Variants in LPCAT2 observed in about 807,000 individuals in gnomAD.
LPCAT2 encodes the protein lysophosphatidylcholine acyltransferase 2, also known as 1-AGP acyltransferase 11.
Under a neutral mutation model 64.7 loss-of-function variants are expected in LPCAT2, and 58 were observed. The observed-to-expected ratio is 0.90, with a 90% confidence interval of 0.73 to 1.12. LPCAT2 has a LOEUF of 1.12. LPCAT2 is among the 50% of genes most tolerant of loss of function. The probability of loss-of-function intolerance (pLI) is 0.00; values close to 1 mark genes in which losing one functional copy is unlikely to be tolerated. For missense variants in LPCAT2, 579 were observed against 669.8 expected, an observed-to-expected ratio of 0.86 and a Z score of 1.50; for synonymous variants, 252 against 245.3, an observed-to-expected ratio of 1.03 and a Z score of -0.26.
At chr16:55,570,984 A>G (rs1205707736) in intron 11 of LPCAT2, among the ~76,000 whole-genome samples, 2 of 152,184 alleles carry the variant, frequency 1.3e-5, no homozygotes, top group Non-Finnish European at 2.9e-5. Flanking sequence ...GTTTTATGTA[A>G]ACGTTTTAAA....
chr16:55,544,520 G>GA (rs1963431952), intron 8 of LPCAT2, among the ~76,000 whole-genome samples: 1 of 152,126 alleles, frequency 6.6e-6, no homozygotes, highest in Non-Finnish European at 1.5e-5. Flanking sequence ...TACTATGGGG[G>GA]AAAAATTAAT....
intron 11 of LPCAT2, among the ~76,000 whole-genome samples, chr16:55,554,127 C>T (rs1465084274): frequency 6.6e-6 from 1 of 151,984 alleles, no homozygotes; most frequent in African/African-American, 2.4e-5. Flanking sequence ...TGTTTAAGGG[C>T]CCTTGGATTT....
At chr16:55,566,954 T>C (rs1250031112) in intron 11 of LPCAT2, 1 of 1,613,798 alleles carries the variant, frequency 6.2e-7, no homozygotes, top group South Asian at 1.1e-5. Context: ...CTCAGCAGCA[T>C]TTCACCAGTG....
At chr16:55,515,280 A>T (rs1470813546) in intron 1 of LPCAT2, among the ~76,000 whole-genome samples, 4 of 152,252 alleles carry the variant, frequency 2.6e-5, no homozygotes, top group African/African-American at 9.6e-5. Flanking sequence ...CCTCAACAAG[A>T]TTAATGACTG....
chr16:55,563,294 C>T (rs1285809592), intron 11 of LPCAT2, among the ~76,000 whole-genome samples: 2 of 151,868 alleles, frequency 1.3e-5, no homozygotes, highest in East Asian at 3.9e-4. Context: ...TTCCACCAAA[C>T]ATTGAAAGAA....
chr16:55,532,985 G>T (rs1596860035), intron 6 of LPCAT2, 103 bp downstream of exon 6: 3 of 930,490 alleles, frequency 3.2e-6, no homozygotes, highest in Admixed American at 2.4e-5. Context: ...ACAGATAAAT[G>T]GTGGAAGCAA....
At chr16:55,544,075 C>T (rs916283581) in intron 8 of LPCAT2, among the ~76,000 whole-genome samples, 2 of 152,158 alleles carry the variant, frequency 1.3e-5, no homozygotes, top group Admixed American at 1.3e-4. Flanking sequence ...ATTCTCCCTG[C>T]TCTTAGTCTC....
intron 1 of LPCAT2, among the ~76,000 whole-genome samples, chr16:55,512,953 A>G (rs1017084386): frequency 8.5e-5 from 13 of 152,238 alleles, no homozygotes; most frequent in African/African-American, 2.9e-4. Flanking sequence ...AAGTGAATGC[A>G]ATCAGCCAGA....
rs929203015 is a variant in LPCAT2 at position 55,584,957 on chromosome 16, A to G, written c.*1859A>G. 2.6e-5 allele frequency: 4 copies of G among 152,226 alleles called. No homozygotes were observed. Among genetic ancestry groups the G allele is most frequent in the Non-Finnish European group, 4.4e-5 (3 of 68,020 alleles). The allele number at this position is 152,226 out of a possible 1,614,324, so 9.4% of individuals were successfully genotyped here. A position where few individuals can be genotyped will look rare whatever the true frequency, so the allele number is the denominator to read the frequency against. On this transcript the variant is annotated 3_prime_UTR_variant, in exon 14 of 14. Coordinates refer to ENST00000262134, the MANE Select transcript of LPCAT2 (RefSeq NM_017839.5). ...CAATGAATGTATGTAATACTAAAAA[A>G]TCATGACTACTTTTATCAAAGAAAA...
rs1034847523 is a variant in LPCAT2, at chr16:55,544,649, G to A, written c.853-1086G>A. Among the ~76,000 whole-genome samples the A allele has an allele frequency of 4.6e-5, 7 of 152,268 alleles. No homozygotes were observed. The East Asian group carries it at 1.2e-3, about 25-fold the overall frequency. ...CTTAAAAAGCCAACATCAAGTATTA[G>A]TTCTTCTATAGAGCACCCTTAACAG... On this transcript the variant is annotated intron_variant, in intron 8 of 13. Coordinates refer to ENST00000262134, the MANE Select transcript of LPCAT2 (RefSeq NM_017839.5).
intron 9 of LPCAT2, among the ~76,000 whole-genome samples, chr16:55,548,018 T>G (rs1260080644): frequency 1.3e-5 from 2 of 152,238 alleles, no homozygotes; most frequent in South Asian, 2.1e-4. Context: ...TCCGCCTGCC[T>G]TGTCCTCCCA....
At chr16:55,519,714 A>G (rs1340119740) in intron 1 of LPCAT2, among the ~76,000 whole-genome samples, 1 of 152,064 alleles carries the variant, frequency 6.6e-6, no homozygotes, top group African/African-American at 2.4e-5. Context: ...AAAAATTATT[A>G]TTTTCTTGGG....
chr16:55,522,120 A>G (rs1007017683), intron 1 of LPCAT2, among the ~76,000 whole-genome samples: 3 of 151,710 alleles, frequency 2.0e-5, no homozygotes, highest in Non-Finnish European at 3.0e-5. Context: ...ACAACTAACT[A>G]CTAGAACTAA....
chr16:55,547,196 T>C (rs1389746317), intron 9 of LPCAT2, among the ~76,000 whole-genome samples: 1 of 152,122 alleles, frequency 6.6e-6, no homozygotes, highest in Non-Finnish European at 1.5e-5. Context: ...ATATTTTGGC[T>C]TCCCAAATTG....
intron 11 of LPCAT2, among the ~76,000 whole-genome samples, chr16:55,562,484 T>C (rs1241466308): frequency 4.6e-5 from 7 of 151,974 alleles, no homozygotes; most frequent in Non-Finnish European, 1.0e-4. Flanking sequence ...TTTCTTACCT[T>C]ATCTAAAATA....
intron 11 of LPCAT2, among the ~76,000 whole-genome samples, chr16:55,552,262 T>C (rs1963526154): frequency 6.6e-6 from 1 of 152,186 alleles, no homozygotes; most frequent in Non-Finnish European, 1.5e-5. Flanking sequence ...GCATGGTGTT[T>C]TATAGATCAA....
intron 6 of LPCAT2, among the ~76,000 whole-genome samples, chr16:55,533,158 C>A (rs2142383714): frequency 6.6e-6 from 1 of 152,084 alleles, no homozygotes; most frequent in South Asian, 2.1e-4. Context: ...GTGATTAATT[C>A]CCAGATTAGG....
chr16:55,578,191 C>T (rs1205516318), intron 12 of LPCAT2, among the ~76,000 whole-genome samples: 1 of 152,188 alleles, frequency 6.6e-6, no homozygotes, highest in Non-Finnish European at 1.5e-5. Flanking sequence ...CTTTGCTTTA[C>T]TTTGTGCATT....
intron 1 of LPCAT2, among the ~76,000 whole-genome samples, chr16:55,522,862 A>G (rs1963117019): frequency 6.6e-6 from 1 of 151,742 alleles, no homozygotes; most frequent in South Asian, 2.1e-4. Context: ...CAGCTTCTAG[A>G]AGAAAAAAAT....
Sources: allele counts gnomAD v4.1 joint callset (sites outside exome capture counted in the v4.1 genomes callset), GRCh38; gene constraint gnomAD v4.1.1; transcripts MANE v1.5; gene names NCBI Gene and HGNC (gene_info 2026-07-23, HGNC 2026-07-21).